FBL: variants seen among roughly 807,000 people sequenced by gnomAD.
The protein encoded by FBL is fibrillarin rRNA 2'-O-methyltransferase, also known as rRNA 2'-O-methyltransferase fibrillarin.
In FBL, 10 loss-of-function variants were observed where a neutral mutation model predicts 42.2. The ratio of observed to expected loss-of-function variants is 0.24; its 90% CI spans 0.15 to 0.40. The LOEUF (loss-of-function observed/expected upper bound fraction) is 0.40, where lower values mean the gene tolerates loss of function less well. Among genes scored for constraint, FBL ranks in the 10% least tolerant of loss-of-function variants. The probability of loss-of-function intolerance (pLI) is 1.00; values close to 1 mark genes in which losing one functional copy is unlikely to be tolerated. For missense variants in FBL, 351 were observed against 439.2 expected (o/e 0.80, Z 1.79); for synonymous variants, 165 against 165.4 (o/e 1.00, Z 0.02).
chr19:39,840,296 T>C lies in FBL; in HGVS notation c.315A>G (p.Ala105=), dbSNP rs1228873841. Residue 105 remains alanine (A), a synonymous_variant, in exon 4 of 9, where the codon GCA becomes GCG. Transcript: ENST00000221801. The surrounding 1 kb of genome is among the most constrained non-coding windows in gnomAD (Gnocchi z 4.5). ...GVFICRGKED[A]LVTKNLVPGE... is the part of the protein sequence containing the mutation. The stretch of plus-strand genomic sequence containing the variant: ...CAGGGACCAGGTTCTTGGTGACCAG[T>C]GCATCTTCCTTTCCTCGACAAATGA... The C allele has an allele frequency of 1.2e-6, 2 of 1,613,918 alleles. No homozygotes were observed. The highest frequency in any genetic ancestry group is 1.3e-5 in the African/African-American group (1 of 74,864).
intron 4 of FBL, among the ~76,000 whole-genome samples, chr19:39,839,934 G>T (rs923466383): frequency 2.6e-5 from 4 of 151,996 alleles, no homozygotes; most frequent in African/African-American, 9.7e-5. Context: ...AGTGGGAACA[G>T]CAAGGCCAGG....
rs1969148296 is a variant in FBL at position 39,840,751 on chromosome 19, C to T, written c.47G>A (p.Gly16Glu). Residue 16 changes from glycine to glutamate, a missense_variant, in exon 2 of 9, where the codon GGG becomes GAG. By Grantham distance (98) the Gly-to-Glu change is moderately conservative. Coordinates refer to ENST00000221801, the MANE Select transcript of FBL (RefSeq NM_001436.4). The surrounding 1 kb of genome is among the most constrained non-coding windows in gnomAD (Gnocchi z 4.5). ...SPRGGGFGGR[G>E]GFGDRGGRGG... is the part of the protein sequence containing the mutation. ...ACGACCACCACGGTCACCAAAGCCC[C>T]CTCGGCCGCCAAAGCCACCCCCACG... The T allele has an allele frequency of 4.5e-6, 7 of 1,572,694 alleles. No individual in the cohort carries two copies. The highest frequency in any genetic ancestry group is 1.2e-5 in the South Asian group (1 of 86,398).
At chr19:39,842,784 T>C (rs930072400) in intron 1 of FBL, among the ~76,000 whole-genome samples, 1 of 152,102 alleles carries the variant, frequency 6.6e-6, no homozygotes, top group African/African-American at 2.4e-5. Context: ...GCGCAAGGTC[T>C]TCCCCTAAAG....
At chr19:39,839,729 G>A (rs1417545123) in intron 4 of FBL, among the ~76,000 whole-genome samples, 2 of 152,110 alleles carry the variant, frequency 1.3e-5, no homozygotes, top group Non-Finnish European at 2.9e-5. Context: ...GGCCATTCAA[G>A]TTATCTGAGG....
rs878909159 is a variant in FBL, at chr19:39,840,409, C to T, written c.283+5G>A. On this transcript the variant is annotated splice_donor_5th_base_variant and intron_variant, in intron 3 of 8. Transcript: ENST00000221801. The surrounding 1 kb of genome is among the most constrained non-coding windows in gnomAD (Gnocchi z 4.5). ...CTCAGCCGGCTCCCTGCCTTCCTCA[C>T]TCACCCTCATGCCGATGCGGCTCCA... is the stretch of plus-strand genomic sequence containing the variant. 1.2e-6 allele frequency: 2 copies of T among 1,614,110 alleles called. No homozygotes were observed. Among genetic ancestry groups the T allele is most frequent in the Non-Finnish European group, 1.7e-6 (2 of 1,179,960 alleles).
At position 39,840,687 on chromosome 19, in the gene FBL, G is replaced by T. The variant is rs142017132; in HGVS notation, c.111C>A (p.Gly37=). The change falls in exon 2 of 9, where the codon GGC becomes GGA. Residue 37 remains glycine (G), a synonymous_variant. Transcript: ENST00000221801. The surrounding 1 kb of genome is among the most constrained non-coding windows in gnomAD (Gnocchi z 4.5). ...RGGFGGGRGR[G]GGFRGRGRGG... is the part of the protein sequence containing the mutation. Reference sequence around the variant, plus strand: ...CTCGTCCACGACCTCTAAAGCCTCCGCCTCGACCTCGGCCCCCGCCAAAGC... The same window carrying T: ...CTCGTCCACGACCTCTAAAGCCTCCTCCTCGACCTCGGCCCCCGCCAAAGC... The T allele has an allele frequency of 2.4e-3, 3,839 of 1,597,052 alleles. 67 individuals are homozygous for T. The African/African-American group carries it at 0.038, about 16-fold the overall frequency.
Position 39,845,551 on chromosome 19 carries a change from G to C in FBL, c.10+740C>G, listed in dbSNP as rs545631158. ...CTCATCATTCCACCATGAAGGGAGT[G>C]GTTTCAGCAGAATCTAGTGGAAAAT... is the stretch of plus-strand genomic sequence containing the variant. On this transcript the variant is annotated intron_variant, in intron 1 of 8. Transcript: ENST00000221801. Among the ~76,000 whole-genome samples, 19 of 152,266 alleles carry C rather than the reference G, an allele frequency of 1.2e-4. No homozygotes were observed. The East Asian group carries it at 2.7e-3, about 22-fold the overall frequency.
In FBL at chr19:39,840,821, G is replaced by T; in HGVS notation, c.11-34C>A. The T allele has an allele frequency of 6.7e-7, 1 of 1,497,542 alleles. No individual in the cohort carries two copies. The highest frequency in any genetic ancestry group is 8.9e-7 in the Non-Finnish European group (1 of 1,120,648). The allele number at this position is 1,497,542 out of a possible 1,614,324, so 92.8% of individuals were successfully genotyped here. ...GAAACAAAACAGGAGTCAGGGCAAT[G>T]AAGCTTAAAAGGTTAAACCACCTTG... is the stretch of plus-strand genomic sequence containing the variant. On this transcript the variant is annotated intron_variant, in intron 1 of 8. Coordinates refer to ENST00000221801, the MANE Select transcript of FBL (RefSeq NM_001436.4). The surrounding 1 kb of genome is among the most constrained non-coding windows in gnomAD (Gnocchi z 4.5).
chr19:39,834,781 C>A lies in FBL; in HGVS notation c.828G>T (p.Glu276Asp). The A allele has an allele frequency of 6.2e-7, 1 of 1,614,210 alleles. No individual in the cohort carries two copies. The highest frequency in any genetic ancestry group is 1.6e-4 in the Middle Eastern group (1 of 6,062). The change falls in exon 8 of 9, where the codon GAG becomes GAT. Residue 276 changes from glutamate to aspartate, a missense_variant. Transcript: ENST00000221801. Reference sequence around the variant, plus strand: ...TTTTCACTTCGGAGGCAAACACGGCCTCGGCTGAGGCTGTGGAGTCAATGC... The same window carrying A: ...TTTTCACTTCGGAGGCAAACACGGCATCGGCTGAGGCTGTGGAGTCAATGC... ...ANCIDSTASA[E>D]AVFASEVKKM...
chr19:39,843,727 C>CA (rs1969205516), intron 1 of FBL, among the ~76,000 whole-genome samples: 1 of 152,132 alleles, frequency 6.6e-6, no homozygotes, highest in Non-Finnish European at 1.5e-5. Context: ...GAGATGGTGC[C>CA]ACTGCACTCC....
intron 6 of FBL, 148 bp from the exon 7 acceptor site, chr19:39,836,816 CCAGTGTCCCAAGATG>C: frequency 3.4e-6 from 2 of 595,172 alleles, no homozygotes; most frequent in Non-Finnish European, 3.0e-6. Context: ...CCCCCTCCCT[CCAGTGTCCCAAGATG>C]AGTCCAAAAC....
In FBL at chr19:39,840,805, C is replaced by T; in HGVS notation, c.11-18G>A. ...ACTGAATCCTGTGGGGGAAACAAAA[C>T]AGGAGTCAGGGCAATGAAGCTTAAA... is the stretch of plus-strand genomic sequence containing the variant. On this transcript the variant is annotated intron_variant, in intron 1 of 8. Coordinates refer to ENST00000221801, the MANE Select transcript of FBL (RefSeq NM_001436.4). The surrounding 1 kb of genome is among the most constrained non-coding windows in gnomAD (Gnocchi z 4.5). 3.9e-6 allele frequency: 6 copies of T among 1,522,992 alleles called. No individual in the cohort carries two copies. Among genetic ancestry groups the T allele is most frequent in the South Asian group, 3.7e-5 (3 of 80,780 alleles). 94.3% of individuals were successfully genotyped at this position (1,522,992 alleles called of 1,614,324 possible).
At position 39,834,724 on chromosome 19, in the gene FBL, C is replaced by T; in HGVS notation, c.885G>A (p.Glu295=). 2 of 1,614,210 alleles carry T rather than the reference C, an allele frequency of 1.2e-6. No individual in the cohort carries two copies. The highest frequency in any genetic ancestry group is 3.3e-5 in the Admixed American group (2 of 60,030). The change falls in exon 8 of 9, where the codon GAG becomes GAA. Residue 295 remains glutamate, a synonymous_variant. Transcript: ENST00000221801. ...TTTCATATGGCTCAAGGGTCAACTG[C>T]TCCTGCGGCTTCATGTTCTCCTGTT... is the stretch of plus-strand genomic sequence containing the variant. The part of the protein sequence containing the change: ...KMQQENMKPQ[E]QLTLEPYERD...
intron 8 of FBL, 32 bp downstream of exon 8, chr19:39,834,636 C>G (rs1968990867): frequency 6.2e-7 from 1 of 1,614,158 alleles, no homozygotes; most frequent in Non-Finnish European, 8.5e-7. Context: ...ACAGAGATGT[C>G]TGTCTTGGTG....
Position 39,840,866 on chromosome 19 carries a change from G to A in FBL, c.11-79C>T. 3 of 1,344,084 alleles carry A rather than the reference G, an allele frequency of 2.2e-6. No individual in the cohort carries two copies. Among genetic ancestry groups the A allele is most frequent in the South Asian group, 3.2e-5 (2 of 62,624 alleles). The allele number at this position is 1,344,084 out of a possible 1,614,324, so 83.3% of individuals were successfully genotyped here. A position where few individuals can be genotyped will look rare whatever the true frequency, so the allele number is the denominator to read the frequency against. On this transcript the variant is annotated intron_variant, in intron 1 of 8. Transcript: ENST00000221801. This position sits in a 1 kb window ranked among gnomAD's most constrained non-coding sequence, Gnocchi z 4.5. ...ACCTTGTACCCAGCAATACCTCTCA[G>A]GTGAGAAACCTGAAATACATGTGCC...
At chr19:39,838,848 G>C in intron 5 of FBL, 187 bp downstream of exon 5, 1 of 576,312 alleles carries the variant, frequency 1.7e-6, no homozygotes, top group Non-Finnish European at 3.0e-6. Flanking sequence ...TTGAGGCCAA[G>C]AACCCAGGAG....
At position 39,834,765 on chromosome 19, in the gene FBL, C is replaced by T; in HGVS notation, c.844G>A (p.Glu282Lys). 1 of 1,614,146 alleles carries T rather than the reference C, an allele frequency of 6.2e-7. No individual in the cohort carries two copies. Among genetic ancestry groups the T allele is most frequent in the Non-Finnish European group, 8.5e-7 (1 of 1,180,032 alleles). ...TASAEAVFASEVKKMQQENMK... is the reference protein window; with the variant it reads ...TASAEAVFASKVKKMQQENMK... ...TTCTCCTGTTGCATCTTTTTCACTT[C>T]GGAGGCAAACACGGCCTCGGCTGAG... The change falls in exon 8 of 9, where the codon GAA (glutamate) becomes AAA (lysine). Residue 282 changes from glutamate (E) to lysine (K), a missense_variant. Coordinates refer to ENST00000221801, the MANE Select transcript of FBL (RefSeq NM_001436.4).
chr19:39,834,869 G>C (rs1181470273), intron 7 of FBL, 56 bp from the exon 8 acceptor site: 1 of 1,576,978 alleles, frequency 6.3e-7, no homozygotes, highest in Non-Finnish European at 8.7e-7. Flanking sequence ...TTTTTCTCTT[G>C]TGTGCTCTTT....
In FBL at chr19:39,840,831, A is replaced by T. The variant is rs1463526324; in HGVS notation, c.11-44T>A. 1 of 1,481,632 alleles carries T rather than the reference A, an allele frequency of 6.7e-7. No homozygotes were observed. The highest frequency in any genetic ancestry group is 2.5e-5 in the Admixed American group (1 of 39,840). 91.8% of individuals were successfully genotyped at this position (1,481,632 alleles called of 1,614,324 possible). ...AGGAGTCAGGGCAATGAAGCTTAAA[A>T]GGTTAAACCACCTTGTACCCAGCAA... On this transcript the variant is annotated intron_variant, in intron 1 of 8. Coordinates refer to ENST00000221801, the MANE Select transcript of FBL (RefSeq NM_001436.4). This position sits in a 1 kb window ranked among gnomAD's most constrained non-coding sequence, Gnocchi z 4.5.
Sources: gnomAD v4.1 joint callset for allele counts (sites outside exome capture counted in the v4.1 genomes callset) on GRCh38, gnomAD v4.1.1 for gene constraint, Gnocchi (gnomAD v3.1) non-coding constraint, MANE v1.5 for transcripts, NCBI Gene and HGNC (gene_info 2026-07-23, HGNC 2026-07-21) for gene names.